Variants in SPTLC2 observed in about 807,000 individuals in gnomAD.
SPTLC2 encodes serine palmitoyltransferase 2.
Under a neutral mutation model 62.0 loss-of-function variants are expected in SPTLC2, and 21 were observed. The observed-to-expected ratio is 0.34, with a 90% CI of 0.24 to 0.49. The LOEUF is 0.49. SPTLC2 is among the 20% of genes least tolerant of loss of function. The probability of loss-of-function intolerance (pLI) is 0.99; values close to 1 mark genes in which losing one functional copy is unlikely to be tolerated. For missense variants in SPTLC2, 511 were observed against 713.0 expected (o/e 0.72, Z 3.23); for synonymous variants, 261 against 261.8 (o/e 1.00, Z 0.03).
chr14:77,565,711 A>G (rs999389191), intron 5 of SPTLC2, among the ~76,000 whole-genome samples: 10 of 152,242 alleles, frequency 6.6e-5, no homozygotes, highest in African/African-American at 2.4e-5. Flanking sequence ...TACAACAGCT[A>G]AAGACAATGT....
rs146923916 is a variant in SPTLC2 at position 77,571,453 on chromosome 14, G to A, written c.632-945C>T. 5.9e-3 allele frequency among the ~76,000 whole-genome samples: 870 copies of A among 148,592 alleles called. 6 individuals are homozygous for A. Among genetic ancestry groups the A allele is most frequent in the African/African-American group, 0.016 (646 of 40,154 alleles). ...GAACCTGGGAGGCAGAGGTTGCAGTGAGCTGAGATCGCACCACTGCACTCC... is the reference window on the plus strand; with the variant it reads ...GAACCTGGGAGGCAGAGGTTGCAGTAAGCTGAGATCGCACCACTGCACTCC... On this transcript the variant is annotated intron_variant, in intron 4 of 11. Transcript: ENST00000216484.
chr14:77,548,081 C>T (rs1029986591), intron 9 of SPTLC2, among the ~76,000 whole-genome samples: 1 of 152,042 alleles, frequency 6.6e-6, no homozygotes, highest in African/African-American at 2.4e-5. Flanking sequence ...CCTGCAAGGA[C>T]CCAGTTCCTT....
intron 9 of SPTLC2, among the ~76,000 whole-genome samples, chr14:77,529,625 T>TTTC (rs1566770048): frequency 5.6e-5 from 5 of 89,362 alleles, no homozygotes; most frequent in African/African-American, 1.1e-4. Context: ...TCTTTCTTTT[T>TTTC]TTTTTTTTTT....
At chr14:77,527,224 G>A (rs2079413487) in intron 9 of SPTLC2, among the ~76,000 whole-genome samples, 1 of 151,896 alleles carries the variant, frequency 6.6e-6, no homozygotes, top group African/African-American at 2.4e-5. Context: ...AGCTTCCTGA[G>A]TAGCTGGGAT....
chr14:77,523,725 A>C (rs2079395648), intron 9 of SPTLC2, among the ~76,000 whole-genome samples: 1 of 152,156 alleles, frequency 6.6e-6, no homozygotes, highest in African/African-American at 2.4e-5. Context: ...AGGGGACTCT[A>C]CTCCTATCAC....
chr14:77,543,406 A>G (rs1196987376), intron 9 of SPTLC2, among the ~76,000 whole-genome samples: 1 of 152,218 alleles, frequency 6.6e-6, no homozygotes, highest in African/African-American at 2.4e-5. Context: ...TAAACACTGT[A>G]GTAATGTATC....
At chr14:77,577,271 A>T (rs1354482768) in intron 3 of SPTLC2, among the ~76,000 whole-genome samples, 1 of 152,066 alleles carries the variant, frequency 6.6e-6, no homozygotes, top group East Asian at 1.9e-4. Flanking sequence ...TATACACATG[A>T]GGATCCTTTG....
At chr14:77,526,387 C>T (rs1224435955) in intron 9 of SPTLC2, among the ~76,000 whole-genome samples, 1 of 152,150 alleles carries the variant, frequency 6.6e-6, no homozygotes, top group African/African-American at 2.4e-5. Context: ...TTATCTTTGG[C>T]TCCGAAAGAA....
chr14:77,518,257 T>C, intron 10 of SPTLC2, 90 bp from the exon 11 acceptor site: 1 of 1,581,008 alleles, frequency 6.3e-7, no homozygotes, highest in Non-Finnish European at 8.6e-7. Flanking sequence ...TTCAACTCTT[T>C]GGTGATGCAG....
chr14:77,517,406 T>C (rs1337997084), intron 11 of SPTLC2, among the ~76,000 whole-genome samples: 1 of 152,180 alleles, frequency 6.6e-6, no homozygotes, highest in Non-Finnish European at 1.5e-5. Flanking sequence ...ATTAAGAGAA[T>C]ATATAGAGAT....
chr14:77,557,316 G>T, intron 6 of SPTLC2, 170 bp from the exon 7 acceptor site: 1 of 621,562 alleles, frequency 1.6e-6, no homozygotes, highest in Non-Finnish European at 2.8e-6. Flanking sequence ...TTGCCACCTT[G>T]AATTGAAATC....
rs145069271 is a variant in SPTLC2 at position 77,573,928 on chromosome 14, G to A, written c.631+2839C>T. On this transcript the variant is annotated intron_variant, in intron 4 of 11. Transcript: ENST00000216484. ...ATGACAGGCATGAGCCACTGTGCCC[G>A]GCCAGAAGACGACAATGTTTGACAC... 7.9e-3 allele frequency among the ~76,000 whole-genome samples: 1,207 copies of A among 152,254 alleles called. 26 individuals carry two copies. The highest frequency in any genetic ancestry group is 0.028 in the African/African-American group (1,149 of 41,538).
At chr14:77,605,817 G>A (rs1286715762) in intron 1 of SPTLC2, among the ~76,000 whole-genome samples, 2 of 152,216 alleles carry the variant, frequency 1.3e-5, no homozygotes, top group Non-Finnish European at 2.9e-5. Flanking sequence ...ATCTCACAGT[G>A]CTTAGCAGAT....
chr14:77,546,796 C>A (rs180842550), intron 9 of SPTLC2, among the ~76,000 whole-genome samples: 2 of 151,570 alleles, frequency 1.3e-5, no homozygotes, highest in African/African-American at 4.9e-5. Flanking sequence ...AGTGTAATGG[C>A]GCGATCTCAG....
rs1177769603 is a variant in SPTLC2, at chr14:77,597,389, G to C, written c.133-9C>G. On this transcript the variant is annotated splice_polypyrimidine_tract_variant and intron_variant, in intron 1 of 11. Coordinates refer to ENST00000216484, the MANE Select transcript of SPTLC2 (RefSeq NM_004863.4). The stretch of plus-strand genomic sequence containing the variant: ...TGTGTAACATGATGGATCTAAAAGA[G>C]AGGTTAAAAATGTTTATTTCCATCA... The C allele has an allele frequency of 6.2e-7, 1 of 1,611,336 alleles. No individual in the cohort carries two copies. The highest frequency in any genetic ancestry group is 8.5e-7 in the Non-Finnish European group (1 of 1,177,584).
intron 9 of SPTLC2, among the ~76,000 whole-genome samples, chr14:77,531,118 T>C (rs1190187919): frequency 6.6e-6 from 1 of 152,164 alleles, no homozygotes; most frequent in Non-Finnish European, 1.5e-5. Context: ...TCTGCCATCC[T>C]GCATCTTCCA....
chr14:77,555,617 CTTCT>C lies in SPTLC2; in HGVS notation c.957-102_957-99del. ...CACTTCATTATTATTGAGTTTACTGCTTCTTTTTTTTTTCTTGGGACAGAGTTTT... is the reference window on the plus strand; with the variant it reads ...CACTTCATTATTATTGAGTTTACTGCTTTTTTTTTCTTGGGACAGAGTTTT... On this transcript the variant is annotated intron_variant, in intron 7 of 11. Transcript: ENST00000216484. 3.3e-6 allele frequency: 4 copies of C among 1,206,196 alleles called. No homozygotes were observed. In the Middle Eastern group the frequency reaches 9.7e-4, roughly 292 times the overall value. The allele number at this position is 1,206,196 out of a possible 1,614,324, so 74.7% of individuals were successfully genotyped here.
chr14:77,581,262 T>C (rs912962309), intron 2 of SPTLC2, among the ~76,000 whole-genome samples: 3 of 152,186 alleles, frequency 2.0e-5, no homozygotes, highest in Non-Finnish European at 2.9e-5. Context: ...GAAGGCTGCA[T>C]ACAACTCTAA....
chr14:77,608,039 T>A (rs1183527772), intron 1 of SPTLC2, among the ~76,000 whole-genome samples: 1 of 152,158 alleles, frequency 6.6e-6, no homozygotes, highest in Non-Finnish European at 1.5e-5. Context: ...GTCTCACAGC[T>A]GAAGCCCTTG....
Sources: gnomAD v4.1 joint callset for allele counts (sites outside exome capture counted in the v4.1 genomes callset) on GRCh38, gnomAD v4.1.1 for gene constraint, MANE v1.5 for transcripts, NCBI Gene and HGNC (gene_info 2026-07-23, HGNC 2026-07-21) for gene names.